The following CDON variants were observed in gnomAD, a reference collection of about 807,000 sequenced individuals.
CDON encodes the protein cell adhesion molecule-related/down-regulated by oncogenes.
CDON carries 73 observed loss-of-function variants against 120.9 expected under a neutral mutation model. That is an observed-to-expected ratio of 0.60 (90% CI 0.50 to 0.73). The LOEUF (loss-of-function observed/expected upper bound fraction) is 0.73. CDON is among the 30% of genes least tolerant of loss of function. The pLI is 0.00. For missense variants in CDON, 1,470 were observed against 1,587.3 expected (o/e 0.93, Z 1.26); for synonymous variants, 566 against 573.5 (o/e 0.99, Z 0.19).
rs1948631171 is a variant in CDON at position 126,054,093 on chromosome 11, T to C, written c.-62+8486A>G. Reference sequence around the variant, plus strand: ...TAAACATTCGTTCCCCTTGCCAATTTTACCTCTAACCAGGCAGTGTGTACA... The same window carrying C: ...TAAACATTCGTTCCCCTTGCCAATTCTACCTCTAACCAGGCAGTGTGTACA... On this transcript the variant is annotated intron_variant, in intron 1 of 19. Coordinates refer to ENST00000531738, the MANE Select transcript of CDON (RefSeq NM_001378964.1). Among the ~76,000 whole-genome samples, 11 of 152,168 alleles carry C rather than the reference T, an allele frequency of 7.2e-5. No homozygotes were observed. In the South Asian group the frequency reaches 2.3e-3, roughly 32 times the overall value.
chr11:126,057,179 T>G (rs1948700538), intron 1 of CDON, among the ~76,000 whole-genome samples: 2 of 152,206 alleles, frequency 1.3e-5, no homozygotes, highest in Admixed American at 1.3e-4. Context: ...TCATGGTTGT[T>G]TTCCTAAGAT....
chr11:126,035,573 C>A (rs184550673), intron 1 of CDON, among the ~76,000 whole-genome samples: 111 of 152,282 alleles, frequency 7.3e-4, no homozygotes, highest in African/African-American at 2.6e-3. Flanking sequence ...TAAAGGGGTT[C>A]TTCAAGCACA....
At position 125,981,129 on chromosome 11, in the gene CDON, T is replaced by C. The variant is rs1258153065; in HGVS notation, c.3196A>G (p.Asn1066Asp). The C allele has an allele frequency of 6.2e-7, 1 of 1,614,046 alleles. No individual in the cohort carries two copies. Among genetic ancestry groups the C allele is most frequent in the African/African-American group, 1.3e-5 (1 of 74,910 alleles). The change falls in exon 17 of 20, where the codon AAT (asparagine) becomes GAT (aspartate). Residue 1066 changes from asparagine (N) to aspartate (D), a missense_variant. Transcript: ENST00000531738. Reference sequence around the variant, plus strand: ...CTGTGCCCGGAGTAAAGCCCTCCATTTAGGCTCCCATTCACAATTCCATTG... The same window carrying C: ...CTGTGCCCGGAGTAAAGCCCTCCATCTAGGCTCCCATTCACAATTCCATTG... The part of the protein sequence containing the change: ...AVNGIVNGSL[N>D]GGLYSGHSNS...
rs758166096 is a variant in CDON at position 126,021,425 on chromosome 11, G to A, written c.172C>T (p.Arg58Cys). The A allele has an allele frequency of 2.2e-5, 36 of 1,613,918 alleles. No individual in the cohort carries two copies. Among genetic ancestry groups the A allele is most frequent in the South Asian group, 7.7e-5 (7 of 91,068 alleles). Residue 58 changes from arginine (R) to cysteine (C), a missense_variant, in exon 3 of 20, where the codon CGT becomes TGT. Coordinates refer to ENST00000531738, the MANE Select transcript of CDON (RefSeq NM_001378964.1). ...LHCSAQPVTT[R>C]ISWLHNGKTL... ...TTTCCGTTATGCAGCCATGAGATAC[G>A]AGTGGTCACAGGTTGAGCAGAACAA...
intron 7 of CDON, among the ~76,000 whole-genome samples, chr11:126,011,593 C>T (rs540223122): frequency 7.2e-4 from 110 of 152,190 alleles, no homozygotes; most frequent in African/African-American, 2.4e-3. Flanking sequence ...TGCAGTGATT[C>T]GGAGTTCTCT....
rs759852629 is a variant in CDON, at chr11:126,021,386, T to G, written c.211A>C (p.Asn71His). 6.2e-7 allele frequency: 1 copy of G among 1,614,130 alleles called. No homozygotes were observed. The highest frequency in any genetic ancestry group is 8.5e-7 in the Non-Finnish European group (1 of 1,180,000). The change falls in exon 3 of 20, where the codon AAC becomes CAC. Residue 71 changes from asparagine to histidine, a missense_variant. Coordinates refer to ENST00000531738, the MANE Select transcript of CDON (RefSeq NM_001378964.1). ...TGATGAATCTTAACATGTTCCAGGTTTCCATCCAATGTTTTTCCGTTATGC... is the reference window on the plus strand; with the variant it reads ...TGATGAATCTTAACATGTTCCAGGTGTCCATCCAATGTTTTTCCGTTATGC... Reference protein sequence around the residue: ...WLHNGKTLDGNLEHVKIHQGT... With the variant: ...WLHNGKTLDGHLEHVKIHQGT...
In CDON at chr11:125,981,204, C is replaced by G; in HGVS notation, c.3121G>C (p.Gly1041Arg). ...NVHGGFLTNG[G>R]LSSGYSHLHH... Reference sequence around the variant, plus strand: ...AGGTGGGAATAGCCACTGCTGAGACCGCCATTGGTTAGGAAGCCTCCGTGA... The same window carrying G: ...AGGTGGGAATAGCCACTGCTGAGACGGCCATTGGTTAGGAAGCCTCCGTGA... The change falls in exon 17 of 20, where the codon GGT (glycine) becomes CGT (arginine). Residue 1041 changes from glycine to arginine, a missense_variant. Coordinates refer to ENST00000531738, the MANE Select transcript of CDON (RefSeq NM_001378964.1). 1 of 1,614,162 alleles carries G rather than the reference C, an allele frequency of 6.2e-7. No individual in the cohort carries two copies. Among genetic ancestry groups the G allele is most frequent in the Non-Finnish European group, 8.5e-7 (1 of 1,180,024 alleles).
rs1217775221 is a variant in CDON, at chr11:126,023,307, C to T, written c.76+94G>A. 7.1e-6 allele frequency: 6 copies of T among 842,998 alleles called. No homozygotes were observed. The African/African-American group carries it at 1.0e-4, about 14-fold the overall frequency. 52.2% of individuals were successfully genotyped at this position (842,998 alleles called of 1,614,324 possible). ...CAATCTTAGAAACATCTTTAGATAG[C>T]ACCATTATCACAAAGCATTGAAGTA... On this transcript the variant is annotated intron_variant, in intron 2 of 19. Transcript: ENST00000531738.
intron 1 of CDON, among the ~76,000 whole-genome samples, chr11:126,029,709 G>A (rs367756038): frequency 2.6e-5 from 4 of 152,246 alleles, no homozygotes; most frequent in African/African-American, 9.6e-5. Flanking sequence ...GCATGACCAC[G>A]AGAAAGTTCT....
At chr11:126,040,922 G>A (rs1309836100) in intron 1 of CDON, among the ~76,000 whole-genome samples, 2 of 150,722 alleles carry the variant, frequency 1.3e-5, no homozygotes, top group Non-Finnish European at 1.5e-5. Context: ...TGGGCACAGT[G>A]GCTCACGCCT....
chr11:126,009,081 A>G (rs1392244582), intron 8 of CDON, among the ~76,000 whole-genome samples: 1 of 152,196 alleles, frequency 6.6e-6, no homozygotes, highest in Admixed American at 6.5e-5. Context: ...AGAGAAGTGC[A>G]GTGATTTGCC....
At chr11:125,993,394 T>C (rs1286701157) in intron 14 of CDON, among the ~76,000 whole-genome samples, 1 of 39,172 alleles carries the variant, frequency 2.6e-5, no homozygotes, top group African/African-American at 1.3e-4. Flanking sequence ...CGCGCGTGCG[T>C]GCACACACAC....
chr11:126,020,340 T>A lies in CDON; in HGVS notation c.350-575A>T, dbSNP rs192565134. ...TGATTTCTGGAATGAACCTAGGACA[T>A]CAAAAAAATAAGGAAGGATATCATT... On this transcript the variant is annotated intron_variant, in intron 3 of 19. Transcript: ENST00000531738. Among the ~76,000 whole-genome samples the A allele has an allele frequency of 2.0e-4, 30 of 152,272 alleles. No individual in the cohort carries two copies. In the East Asian group the frequency reaches 5.8e-3, roughly 29 times the overall value.
At chr11:125,993,424 C>A (rs1946688690) in intron 14 of CDON, among the ~76,000 whole-genome samples, 1 of 146,924 alleles carries the variant, frequency 6.8e-6, no homozygotes, top group Admixed American at 6.8e-5. Flanking sequence ...CACACACACA[C>A]AACCACGTGC....
intron 11 of CDON, among the ~76,000 whole-genome samples, chr11:126,000,661 T>C (rs187620137): frequency 1.1e-3 from 160 of 152,354 alleles, no homozygotes; most frequent in African/African-American, 3.6e-3. Context: ...AATACTCATA[T>C]ACGTAATCTG....
intron 1 of CDON, among the ~76,000 whole-genome samples, chr11:126,058,078 T>C (rs1319134338): frequency 6.6e-6 from 1 of 152,244 alleles, no homozygotes; most frequent in African/African-American, 2.4e-5. Flanking sequence ...GCAAGCTCTA[T>C]GTCAGCGTCC....
At chr11:126,048,218 G>A (rs567051804) in intron 1 of CDON, among the ~76,000 whole-genome samples, 7 of 149,798 alleles carry the variant, frequency 4.7e-5, no homozygotes, top group Middle Eastern at 3.5e-3. Flanking sequence ...GGGAGGTGGA[G>A]TTTGCAGTGA....
At chr11:125,998,241 G>A (rs781570761) in intron 11 of CDON, among the ~76,000 whole-genome samples, 1 of 152,150 alleles carries the variant, frequency 6.6e-6, no homozygotes, top group Non-Finnish European at 1.5e-5. Flanking sequence ...CAAGTGATAT[G>A]GCTTGGATAC....
chr11:126,010,822 T>C (rs1947281750), intron 7 of CDON, 128 bp from the exon 8 acceptor site: 1 of 747,572 alleles, frequency 1.3e-6, no homozygotes, highest in Admixed American at 2.0e-5. Context: ...TCCTTATTAG[T>C]TCCCTTCTCA....
Sources: allele counts gnomAD v4.1 joint callset (sites outside exome capture counted in the v4.1 genomes callset), GRCh38; gene constraint gnomAD v4.1.1; transcripts MANE v1.5; gene names NCBI Gene and HGNC (gene_info 2026-07-23, HGNC 2026-07-21).